Variants in ASPRV1 observed in about 807,000 individuals in gnomAD.
ASPRV1 encodes the protein aspartic peptidase retroviral like 1, also known as retroviral-like aspartic protease 1.
Under a neutral mutation model 11.0 loss-of-function variants are expected in ASPRV1, and 7 were observed. The observed-to-expected ratio is 0.64, with a 90% CI of 0.36 to 1.20. ASPRV1 has a LOEUF of 1.20. Ranked by LOEUF, ASPRV1 falls within the 50% of genes most tolerant of loss-of-function variation. The pLI, the probability that ASPRV1 is intolerant of heterozygous loss-of-function variation, is 0.02. For synonymous variants in ASPRV1, 136 were observed against 138.4 expected (o/e 0.98, Z 0.12); for missense variants, 299 against 320.0 (o/e 0.93, Z 0.50).
chr2:70,038,148 G>C, the ASPRV1 span, among the ~76,000 whole-genome samples: 2 of 152,204 alleles, frequency 1.3e-5, no homozygotes, highest in African/African-American at 4.8e-5. Flanking sequence ...CCATTATGCA[G>C]ATAAGCAGTA....
chr2:69,953,890 T>G, the ASPRV1 span, among the ~76,000 whole-genome samples: 2 of 148,184 alleles, frequency 1.3e-5, no homozygotes, highest in African/African-American at 5.1e-5. Flanking sequence ...TTTTTTTTTT[T>G]GTATTTTTAG....
the ASPRV1 span, among the ~76,000 whole-genome samples, chr2:69,945,114 G>A: frequency 2.1e-4 from 32 of 152,054 alleles, no homozygotes; most frequent in African/African-American, 7.5e-4. Context: ...AGGACACGTA[G>A]GCCTGTCGTC....
chr2:70,010,823 TC>T, the ASPRV1 span, among the ~76,000 whole-genome samples: 1 of 152,124 alleles, frequency 6.6e-6, no homozygotes, highest in African/African-American at 2.4e-5. Context: ...CTGCACTGGG[TC>T]CTAATGACCT....
At chr2:70,072,991 G>A in the ASPRV1 span, 2 of 151,666 alleles carry the variant, frequency 1.3e-5, no homozygotes, top group African/African-American at 4.8e-5. Flanking sequence ...AGGATCGCTT[G>A]TGCCAGGGAG....
chr2:70,007,379 G>A, the ASPRV1 span, among the ~76,000 whole-genome samples: 1 of 152,098 alleles, frequency 6.6e-6, no homozygotes, highest in Non-Finnish European at 1.5e-5. Context: ...AAATGAGCCG[G>A]GCGTGTTGGC....
At chr2:69,966,387 CCAT>C (rs1678341398), upstream of ASPRV1, among the ~76,000 whole-genome samples, 1 of 152,258 alleles carries the variant, frequency 6.6e-6, no homozygotes, top group Non-Finnish European at 1.5e-5. Flanking sequence ...CTTTCCTGCC[CCAT>C]CCTTGCCACG....
chr2:70,010,713 G>A, the ASPRV1 span, among the ~76,000 whole-genome samples: 1 of 152,174 alleles, frequency 6.6e-6, no homozygotes, highest in African/African-American at 2.4e-5. Flanking sequence ...GTCTGAACAT[G>A]AGAGCTGCTT....
At chr2:70,072,754 A>G in the ASPRV1 span, among the ~76,000 whole-genome samples, 1 of 151,164 alleles carries the variant, frequency 6.6e-6, no homozygotes, top group South Asian at 2.1e-4. Context: ...AAATAAAAAC[A>G]AAAATAATAA....
the ASPRV1 span, among the ~76,000 whole-genome samples, chr2:69,950,844 A>AAAATAAAT: frequency 0.018 from 2,513 of 136,974 alleles, 35 homozygotes; most frequent in Non-Finnish European, 0.021. Context: ...CTCTGTCTCA[A>AAAATAAAT]AAATAAATAA....
At chr2:69,946,753 A>G in the ASPRV1 span, among the ~76,000 whole-genome samples, 10 of 152,322 alleles carry the variant, frequency 6.6e-5, no homozygotes, top group Admixed American at 1.3e-4. Context: ...GAAGTGGTTA[A>G]ACCGAAAGGG....
chr2:70,049,861 T>C, the ASPRV1 span: 1 of 152,224 alleles, frequency 6.6e-6, no homozygotes, highest in Non-Finnish European at 1.5e-5. Context: ...GATGGAGATG[T>C]GCTATTTCAG....
At chr2:70,000,203 T>C in the ASPRV1 span, among the ~76,000 whole-genome samples, 14 of 151,828 alleles carry the variant, frequency 9.2e-5, no homozygotes, top group Non-Finnish European at 4.4e-5. Context: ...TATATGAGAA[T>C]TGGGCAAGGT....
the ASPRV1 span, among the ~76,000 whole-genome samples, chr2:70,034,548 G>A: frequency 1.3e-5 from 2 of 151,238 alleles, no homozygotes; most frequent in African/African-American, 2.4e-5. Flanking sequence ...TTGAGCCTGG[G>A]CGACAGAGCG....
At chr2:69,995,854 AT>A in the ASPRV1 span, among the ~76,000 whole-genome samples, 2 of 152,192 alleles carry the variant, frequency 1.3e-5, no homozygotes, top group African/African-American at 4.8e-5. Flanking sequence ...AAGAAAGCCC[AT>A]TTGGTTTCGA....
chr2:70,043,937 G>A, the ASPRV1 span, among the ~76,000 whole-genome samples: 5 of 152,218 alleles, frequency 3.3e-5, no homozygotes, highest in East Asian at 9.6e-4. Context: ...TCAGCTGCTT[G>A]TCTTTTCTCA....
At chr2:69,978,818 A>G in the ASPRV1 span, among the ~76,000 whole-genome samples, 2 of 152,168 alleles carry the variant, frequency 1.3e-5, no homozygotes, top group African/African-American at 4.8e-5. Flanking sequence ...CAACTGAGGA[A>G]ACTCCCAGAC....
the ASPRV1 span, among the ~76,000 whole-genome samples, chr2:69,947,023 G>A: frequency 1.2e-4 from 19 of 152,296 alleles, no homozygotes; most frequent in South Asian, 4.1e-4. Context: ...TTCAGTTCCC[G>A]CATTCACACG....
chr2:69,966,472 A>G (rs1402292722), upstream of ASPRV1, among the ~76,000 whole-genome samples: 1 of 152,154 alleles, frequency 6.6e-6, no homozygotes, highest in Non-Finnish European at 1.5e-5. Flanking sequence ...CCTTCCTCCC[A>G]TCCCCTCTTC....
chr2:70,019,030 C>G, the ASPRV1 span: 2 of 152,082 alleles, frequency 1.3e-5, no homozygotes, highest in Non-Finnish European at 2.9e-5. Flanking sequence ...TTGTTATGAT[C>G]TAAAGTGTAG....
Sources: gnomAD v4.1 joint callset for allele counts (sites outside exome capture counted in the v4.1 genomes callset) on GRCh38, gnomAD v4.1.1 for gene constraint, MANE v1.5 for transcripts, NCBI Gene and HGNC (gene_info 2026-07-23, HGNC 2026-07-21) for gene names.